The following SMOC2 variants were observed in gnomAD, a reference collection of about 807,000 sequenced individuals.
SMOC2 encodes the protein SPARC-related modular calcium-binding protein 2.
Under a neutral mutation model 61.4 loss-of-function variants are expected in SMOC2, and 39 were observed. That is an observed-to-expected ratio of 0.64 (90% CI 0.49 to 0.83). The LOEUF is 0.83. Among genes scored for constraint, SMOC2 ranks in the 40% least tolerant of loss-of-function variants. The pLI is 0.00. For missense variants in SMOC2, 556 were observed against 592.9 expected, an observed-to-expected ratio of 0.94 and a Z score of 0.65; for synonymous variants, 247 against 239.9, an observed-to-expected ratio of 1.03 and a Z score of -0.27.
chr6:168,643,513 C>T (rs9364474), intron 9 of SMOC2, among the ~76,000 whole-genome samples: 39,153 of 152,050 alleles, frequency 0.26, 5,569 homozygotes, highest in East Asian at 0.33. Flanking sequence ...CTCCCTGTTC[C>T]AAATGGCTCA....
intron 7 of SMOC2, among the ~76,000 whole-genome samples, chr6:168,573,101 T>C (rs1279673584): frequency 2.1e-5 from 1 of 48,066 alleles, no homozygotes; most frequent in Non-Finnish European, 3.6e-5. Context: ...GCGATGCTCA[T>C]TTCCTTCCCA....
At chr6:168,659,645 G>C (rs112524129) in intron 11 of SMOC2, among the ~76,000 whole-genome samples, 1 of 150,328 alleles carries the variant, frequency 6.7e-6, no homozygotes, top group Non-Finnish European at 1.5e-5. Flanking sequence ...TTGTAGGTTG[G>C]GTGAGGGTGG....
chr6:168,626,305 AAAG>A (rs1055048619), intron 9 of SMOC2, among the ~76,000 whole-genome samples: 23 of 152,122 alleles, frequency 1.5e-4, no homozygotes, highest in African/African-American at 5.1e-4. Context: ...GGGTGTGAGG[AAAG>A]AAGGTGGAAA....
At chr6:168,443,287 C>T (rs1034657282) in intron 1 of SMOC2, among the ~76,000 whole-genome samples, 4 of 152,134 alleles carry the variant, frequency 2.6e-5, no homozygotes, top group Admixed American at 6.5e-5. Flanking sequence ...GTTTAAGACT[C>T]GGCAGGTTTT....
Position 168,544,702 on chromosome 6 carries a change from A to G in SMOC2, c.511+1030A>G, listed in dbSNP as rs1443609243. Among the ~76,000 whole-genome samples the G allele has an allele frequency of 6.6e-6, 1 of 152,128 alleles. No individual in the cohort carries two copies. Among genetic ancestry groups the G allele is most frequent in the Non-Finnish European group, 1.5e-5 (1 of 68,026 alleles). On this transcript the variant is annotated intron_variant, in intron 5 of 12. Coordinates refer to ENST00000356284, the MANE Select transcript of SMOC2 (RefSeq NM_001166412.2). This position sits in a 1 kb window ranked among gnomAD's most constrained non-coding sequence, Gnocchi z 4.1. ...ACAAAAACAAAATAATAAAAATAAA[A>G]ATCGGAGTTTTATTCAACCAATCCC...
At chr6:168,539,799 C>T (rs1298980645) in intron 4 of SMOC2, among the ~76,000 whole-genome samples, 1 of 152,204 alleles carries the variant, frequency 6.6e-6, no homozygotes, top group Non-Finnish European at 1.5e-5. Context: ...CTGGCCCATG[C>T]CTACTCACCC....
intron 7 of SMOC2, among the ~76,000 whole-genome samples, chr6:168,592,628 A>T (rs1226616810): frequency 7.5e-6 from 1 of 133,974 alleles, no homozygotes; most frequent in Non-Finnish European, 1.6e-5. Flanking sequence ...CTGAGGCTTC[A>T]CGGGCATCTT....
chr6:168,491,854 G>A (rs750334410), intron 1 of SMOC2, among the ~76,000 whole-genome samples: 5 of 152,152 alleles, frequency 3.3e-5, no homozygotes, highest in African/African-American at 9.7e-5. Flanking sequence ...AGAGTGAACT[G>A]TGCTGTTCAT....
At chr6:168,657,234 C>T (rs112893307) in intron 11 of SMOC2, among the ~76,000 whole-genome samples, 26 of 152,282 alleles carry the variant, frequency 1.7e-4, no homozygotes, top group African/African-American at 4.1e-4. Flanking sequence ...CTGAGGGGGA[C>T]GAGGTCACAG....
intron 11 of SMOC2, among the ~76,000 whole-genome samples, chr6:168,659,718 G>GATTGTTGGCTGGA (rs1562410957): frequency 3.9e-5 from 2 of 51,592 alleles, no homozygotes; most frequent in African/African-American, 1.5e-4. Context: ...TGTAGGCTGA[G>GATTGTTGGCTGGA]TGAGGGTGGA....
chr6:168,510,943 C>T (rs570843804), intron 2 of SMOC2, among the ~76,000 whole-genome samples: 79 of 152,178 alleles, frequency 5.2e-4, no homozygotes, highest in Non-Finnish European at 9.4e-4. Context: ...TATATACGGT[C>T]ACAAGGATGT....
At chr6:168,493,314 G>A (rs1782513516) in intron 1 of SMOC2, among the ~76,000 whole-genome samples, 1 of 152,118 alleles carries the variant, frequency 6.6e-6, no homozygotes. Flanking sequence ...TGGGATTACA[G>A]GTGTGAGCCA....
At chr6:168,525,533 T>C (rs1384073672) in intron 2 of SMOC2, among the ~76,000 whole-genome samples, 2 of 152,226 alleles carry the variant, frequency 1.3e-5, no homozygotes, top group African/African-American at 2.4e-5. Context: ...TGAGCTTAGA[T>C]ATGCCTGGAA....
At chr6:168,441,561 GA>G in intron 1 of SMOC2, 107 bp downstream of exon 1, 3 of 1,333,998 alleles carry the variant, frequency 2.2e-6, no homozygotes, top group Non-Finnish European at 2.9e-6. Context: ...TGGGCACGGG[GA>G]GCAGGTGGCC....
chr6:168,510,477 T>C (rs1782980594), intron 2 of SMOC2, among the ~76,000 whole-genome samples: 1 of 152,222 alleles, frequency 6.6e-6, no homozygotes, highest in Non-Finnish European at 1.5e-5. Flanking sequence ...ATACTCTCAA[T>C]TTTCCCAATT....
chr6:168,548,341 C>T (rs1346850356), intron 6 of SMOC2, among the ~76,000 whole-genome samples: 3 of 146,772 alleles, frequency 2.0e-5, no homozygotes, highest in Non-Finnish European at 4.4e-5. Context: ...CGGTGACCTG[C>T]ACTACATTCC....
intron 1 of SMOC2, among the ~76,000 whole-genome samples, chr6:168,488,284 T>A (rs1049623598): frequency 6.6e-6 from 1 of 152,226 alleles, no homozygotes; most frequent in African/African-American, 2.4e-5. Flanking sequence ...CTTCCCCCCA[T>A]GTCTTCACAT....
intron 7 of SMOC2, among the ~76,000 whole-genome samples, chr6:168,587,808 C>A (rs561579485): frequency 1.3e-5 from 2 of 152,122 alleles, no homozygotes; most frequent in Non-Finnish European, 2.9e-5. Flanking sequence ...GCAGGTTTGC[C>A]GAACACAGTT....
chr6:168,623,174 C>G (rs1786287453), intron 9 of SMOC2, among the ~76,000 whole-genome samples: 1 of 151,870 alleles, frequency 6.6e-6, no homozygotes, highest in South Asian at 2.1e-4. Flanking sequence ...ATAGGAAGCC[C>G]AAGAAGATAG....
Sources: gnomAD v4.1 joint callset for allele counts (sites outside exome capture counted in the v4.1 genomes callset) on GRCh38, gnomAD v4.1.1 for gene constraint, Gnocchi (gnomAD v3.1) non-coding constraint, MANE v1.5 for transcripts, NCBI Gene and HGNC (gene_info 2026-07-23, HGNC 2026-07-21) for gene names.